Variants in PROS1 observed in about 807,000 individuals in gnomAD.
PROS1 encodes protein S, also known as vitamin K-dependent protein S.
Under a neutral mutation model 75.9 loss-of-function variants are expected in PROS1, and 29 were observed. The observed-to-expected ratio is 0.38, with a 90% CI of 0.28 to 0.52. PROS1 has a LOEUF of 0.52. PROS1 is among the 20% of genes least tolerant of loss of function. The pLI, the probability that PROS1 is intolerant of heterozygous loss-of-function variation, is 0.83. For missense variants in PROS1, 680 were observed against 810.3 expected (o/e 0.84, Z 1.95); for synonymous variants, 245 against 280.6 (o/e 0.87, Z 1.27).
rs558948871 is a variant in PROS1, at chr3:93,887,196, G to T, written c.1156-693C>A. Among the ~76,000 whole-genome samples, 5 of 152,266 alleles carry T rather than the reference G, an allele frequency of 3.3e-5. No homozygotes were observed. The East Asian group carries it at 9.6e-4, about 29-fold the overall frequency. On this transcript the variant is annotated intron_variant, in intron 10 of 14. Transcript: ENST00000394236. ...GCCTCCCAAAGTGCTGGGATTACAGGCGTGAGCCACCGCGCCCGGCCCATA... is the reference window on the plus strand; with the variant it reads ...GCCTCCCAAAGTGCTGGGATTACAGTCGTGAGCCACCGCGCCCGGCCCATA...
intron 2 of PROS1, among the ~76,000 whole-genome samples, chr3:93,925,644 CA>C (rs1209699693): frequency 4.0e-5 from 6 of 151,726 alleles, no homozygotes. Context: ...GGCAACATGG[CA>C]AAACGCCCTC....
rs139479630 is a variant in PROS1, at chr3:93,877,089, T to G, written c.1747A>C (p.Asn583His). ...SHLEFRVNRN[N>H]LELSTPLKIE... ...TTAAGTGGTGTCGACAACTCCAGATTGTTTCTGTTGACTCTAAATTCCAGA... is the reference window on the plus strand; with the variant it reads ...TTAAGTGGTGTCGACAACTCCAGATGGTTTCTGTTGACTCTAAATTCCAGA... Residue 583 changes from asparagine (N) to histidine (H), a missense_variant, in exon 14 of 15, where the codon AAT becomes CAT. Asn to His is a moderately conservative substitution (Grantham distance 68). Transcript: ENST00000394236. 1.8e-4 allele frequency: 295 copies of G among 1,612,910 alleles called. No homozygotes were observed. Among genetic ancestry groups the G allele is most frequent in the Non-Finnish European group, 2.3e-4 (274 of 1,179,080 alleles).
At chr3:93,890,590 T>C (rs761618637) in intron 10 of PROS1, among the ~76,000 whole-genome samples, 8 of 152,178 alleles carry the variant, frequency 5.3e-5, no homozygotes, top group Non-Finnish European at 1.2e-4. Context: ...CTCTTTGTAC[T>C]CTTTCTCTTT....
intron 13 of PROS1, among the ~76,000 whole-genome samples, chr3:93,878,236 C>A (rs765018546): frequency 2.6e-5 from 4 of 152,080 alleles, no homozygotes; most frequent in South Asian, 2.1e-4. Context: ...AAACAAAAAA[C>A]CCCTGAAATC....
Position 93,896,682 on chromosome 3 carries a change from C to G in PROS1, c.859G>C (p.Val287Leu). The change falls in exon 9 of 15, where the codon GTG becomes CTG. Residue 287 changes from valine to leucine, a missense_variant. Coordinates refer to ENST00000394236, the MANE Select transcript of PROS1 (RefSeq NM_000313.4). ...QDQKSCEVVS[V>L]CLPLNLDTKY... ...GTGTCAAGGTTCAAGGGAAGGCACA[C>G]TGAAACAACCTGGAATAAAAGAAAC... 1 of 1,606,914 alleles carries G rather than the reference C, an allele frequency of 6.2e-7. No individual in the cohort carries two copies. Among genetic ancestry groups the G allele is most frequent in the Non-Finnish European group, 8.5e-7 (1 of 1,173,616 alleles).
At chr3:93,938,924 C>G (rs1019566049) in intron 1 of PROS1, among the ~76,000 whole-genome samples, 1 of 152,116 alleles carries the variant, frequency 6.6e-6, no homozygotes, top group Admixed American at 6.5e-5. Flanking sequence ...GCTGCTCACC[C>G]ACACTGCAGC....
chr3:93,916,299 G>A (rs1015155549), intron 3 of PROS1, among the ~76,000 whole-genome samples: 3 of 152,092 alleles, frequency 2.0e-5, no homozygotes, highest in South Asian at 2.1e-4. Flanking sequence ...CATCGTTTTT[G>A]AGAAAGCTTC....
At chr3:93,906,219 A>G in intron 4 of PROS1, 76 bp from the exon 5 acceptor site, 1 of 1,516,130 alleles carries the variant, frequency 6.6e-7, no homozygotes, top group Non-Finnish European at 9.0e-7. Flanking sequence ...CTATAATAAA[A>G]ATCCTGAAGC....
intron 1 of PROS1, among the ~76,000 whole-genome samples, chr3:93,946,451 A>G (rs1709401000): frequency 6.6e-6 from 1 of 152,220 alleles, no homozygotes; most frequent in Non-Finnish European, 1.5e-5. Context: ...CTGGTACCAA[A>G]ACAGAGATAT....
Position 93,902,759 on chromosome 3 carries a change from AAAG to A in PROS1, c.602-1833_602-1831del, listed in dbSNP as rs912095684. On this transcript the variant is annotated intron_variant, in intron 6 of 14. Transcript: ENST00000394236. Reference sequence around the variant, plus strand: ...AGCGAGACTCTGTCTCAAAAAAAAAAAAGAAGAAGAAGAAGAAAAGAAAAGTTA... The same window carrying A: ...AGCGAGACTCTGTCTCAAAAAAAAAAAAGAAGAAGAAGAAAAGAAAAGTTA... 1.6e-4 allele frequency among the ~76,000 whole-genome samples: 24 copies of A among 152,148 alleles called. 1 individual carries two copies. The East Asian group carries it at 2.7e-3, about 17-fold the overall frequency.
At chr3:93,875,407 GA>G (rs1708167535) in intron 14 of PROS1, among the ~76,000 whole-genome samples, 1 of 151,940 alleles carries the variant, frequency 6.6e-6, no homozygotes, top group East Asian at 1.9e-4. Flanking sequence ...TTTCTCTCAA[GA>G]CATTTTGCCT....
chr3:93,949,546 C>A (rs909307839), intron 1 of PROS1, among the ~76,000 whole-genome samples: 1 of 151,800 alleles, frequency 6.6e-6, no homozygotes, highest in Non-Finnish European at 1.5e-5. Context: ...AAAAAAGATG[C>A]CACTTACATG....
chr3:93,912,777 G>A (rs1388140025), intron 3 of PROS1, among the ~76,000 whole-genome samples: 1 of 152,122 alleles, frequency 6.6e-6, no homozygotes, highest in East Asian at 1.9e-4. Context: ...GCAGCCTCAA[G>A]CCCTTTTATA....
intron 1 of PROS1, among the ~76,000 whole-genome samples, chr3:93,950,002 T>C (rs972584338): frequency 1.3e-5 from 2 of 152,138 alleles, no homozygotes; most frequent in African/African-American, 2.4e-5. Context: ...GCTTTTCCAA[T>C]GGTCTTATCA....
intron 3 of PROS1, 63 bp downstream of exon 3, chr3:93,924,177 C>G: frequency 1.8e-6 from 2 of 1,138,164 alleles, no homozygotes; most frequent in Non-Finnish European, 2.4e-6. Context: ...GAGAGTTAGA[C>G]AGGAACATAT....
At chr3:93,943,001 T>C (rs1709312932) in intron 1 of PROS1, among the ~76,000 whole-genome samples, 1 of 152,148 alleles carries the variant, frequency 6.6e-6, no homozygotes, top group African/African-American at 2.4e-5. Flanking sequence ...TCCCTCAGGG[T>C]CTGAGAAGTC....
chr3:93,891,670 A>T (rs1474200806), intron 10 of PROS1, among the ~76,000 whole-genome samples: 1 of 152,086 alleles, frequency 6.6e-6, no homozygotes, highest in Non-Finnish European at 1.5e-5. Context: ...TTGGCCTCCT[A>T]AAGAGCTGGG....
chr3:93,900,711 G>T, intron 7 of PROS1, 93 bp downstream of exon 7: 1 of 1,527,946 alleles, frequency 6.5e-7, no homozygotes, highest in East Asian at 2.3e-5. Context: ...AAATATGACT[G>T]TTGATGTCAA....
At chr3:93,877,341 A>G in intron 13 of PROS1, 150 bp from the exon 14 acceptor site, 1 of 590,638 alleles carries the variant, frequency 1.7e-6, no homozygotes, top group Non-Finnish European at 3.0e-6. Flanking sequence ...AAAAATCACT[A>G]ATTATTATAA....
Sources: gnomAD v4.1 joint callset for allele counts (sites outside exome capture counted in the v4.1 genomes callset) on GRCh38, gnomAD v4.1.1 for gene constraint, MANE v1.5 for transcripts, NCBI Gene and HGNC (gene_info 2026-07-23, HGNC 2026-07-21) for gene names.